Variants in FAM9A observed in about 807,000 individuals in gnomAD.
FAM9A encodes the protein protein FAM9A.
Under a neutral mutation model 25.0 loss-of-function variants are expected in FAM9A, and 49 were observed. The ratio of observed to expected loss-of-function variants is 1.96; its 90% CI spans 1.56 to 2.48. The LOEUF (loss-of-function observed/expected upper bound fraction) is 2.48, where lower values mean the gene tolerates loss of function less well. FAM9A is among the 30% of genes most tolerant of loss of function. The pLI is 0.00. For synonymous variants in FAM9A, 80 were observed against 85.1 expected, an observed-to-expected ratio of 0.94 and a Z score of 0.33; for missense variants, 266 against 249.3, an observed-to-expected ratio of 1.07 and a Z score of -0.45.
chrX:8,796,320 T>C lies in FAM9A; in HGVS notation c.436A>G (p.Arg146Gly), dbSNP rs143523323. 89 of 1,205,059 alleles carry C rather than the reference T, an allele frequency of 7.4e-5. No individual in the cohort carries two copies. In the African/African-American group the frequency reaches 1.3e-3, roughly 18 times the overall value. ...EMIKIDKAAY[R>G]KTKNTIERAL... The stretch of plus-strand genomic sequence containing the variant: ...CGTTCAATTGTGTTCTTGGTTTTCC[T>C]GTAAGCTGCTTTATCTATTTTTATC... Residue 146 changes from arginine to glycine, a missense_variant, in exon 6 of 10, where the codon AGG (arginine) becomes GGG (glycine). Arg to Gly is a moderately radical substitution (Grantham distance 125). Coordinates refer to ENST00000381003, the MANE Select transcript of FAM9A (RefSeq NM_174951.3).
chrX:8,799,373 C>T (rs1933573417), intron 2 of FAM9A, among the ~76,000 whole-genome samples: 1 of 110,472 alleles, frequency 9.1e-6, no homozygotes, highest in Admixed American at 9.5e-5. Context: ...AGCCCTGCCC[C>T]TGTGTGCCCC....
intron 7 of FAM9A, 33 bp from the exon 8 acceptor site, chrX:8,793,789 G>T (rs1269615225): frequency 9.8e-7 from 1 of 1,016,935 alleles, no homozygotes; most frequent in Non-Finnish European, 1.4e-6. Context: ...ATGAAAATTG[G>T]GTAATTTTTA....
rs1284419344 is a variant in FAM9A at position 8,800,205 on chromosome X, T to C, written c.-34A>G. 18 of 1,195,424 alleles carry C rather than the reference T, an allele frequency of 1.5e-5. No individual in the cohort carries two copies. Among genetic ancestry groups the C allele is most frequent in the Non-Finnish European group, 2.0e-5 (18 of 884,667 alleles). On this transcript the variant is annotated 5_prime_UTR_variant, in exon 2 of 10. Coordinates refer to ENST00000381003, the MANE Select transcript of FAM9A (RefSeq NM_174951.3). The stretch of plus-strand genomic sequence containing the variant: ...GTCCTGGGAAGTTAGAGGCGATCCC[T>C]GAACCTGGTTGAGTGCAAAGTCAAA...
In FAM9A at chrX:8,794,947, C is replaced by T. The variant is rs774127694; in HGVS notation, c.831+131G>A. On this transcript the variant is annotated intron_variant, in intron 7 of 9. Coordinates refer to ENST00000381003, the MANE Select transcript of FAM9A (RefSeq NM_174951.3). Reference sequence around the variant, plus strand: ...GCGTGGCAATTATATTCCCCTAGTACATGAGTCCACTTATGGGCCCCCCTC... The same window carrying T: ...GCGTGGCAATTATATTCCCCTAGTATATGAGTCCACTTATGGGCCCCCCTC... 28 of 978,885 alleles carry T rather than the reference C, an allele frequency of 2.9e-5. No homozygotes were observed. The South Asian group carries it at 6.5e-4, about 23-fold the overall frequency. 80.7% of individuals were successfully genotyped at this position (978,885 alleles called of 1,213,427 possible).
intron 8 of FAM9A, among the ~76,000 whole-genome samples, chrX:8,791,598 A>G (rs1933472022): frequency 9.0e-6 from 1 of 110,550 alleles, no homozygotes; most frequent in African/African-American, 3.2e-5. Flanking sequence ...AGCAGGTCCA[A>G]TTGTCATGTA....
At chrX:8,800,684 C>A (rs1342477760) in intron 1 of FAM9A, among the ~76,000 whole-genome samples, 1 of 97,797 alleles carries the variant, frequency 1.0e-5, no homozygotes, top group Non-Finnish European at 2.1e-5. Flanking sequence ...CCCCACAACA[C>A]CCCTGCTTGT....
At chrX:8,799,265 G>A (rs972954096) in intron 2 of FAM9A, among the ~76,000 whole-genome samples, 171 bp from the exon 3 acceptor site, 4 of 111,388 alleles carry the variant, frequency 3.6e-5, no homozygotes, top group Non-Finnish European at 7.6e-5. Flanking sequence ...TTCCTGGCCC[G>A]TCCAGCCCCT....
intron 8 of FAM9A, 111 bp from the exon 9 acceptor site, chrX:8,791,490 G>A: frequency 1.8e-6 from 1 of 544,359 alleles, no homozygotes; most frequent in East Asian, 3.9e-5. Context: ...AAGGATGCTG[G>A]TTATTTATTT....
rs374129266 is a variant in FAM9A at position 8,797,160 on chromosome X, A to G, written c.374-778T>C. Among the ~76,000 whole-genome samples, 4 of 112,366 alleles carry G rather than the reference A, an allele frequency of 3.6e-5. No individual in the cohort carries two copies. In the East Asian group the frequency reaches 8.4e-4, roughly 23 times the overall value. On this transcript the variant is annotated intron_variant, in intron 5 of 9. Transcript: ENST00000381003. ...CTCCATCTATAATGCTCAGTTAGGT[A>G]GCTCACAAAACCAGCACTTACTCAC...
intron 6 of FAM9A, among the ~76,000 whole-genome samples, 200 bp from the exon 7 acceptor site, chrX:8,795,620 G>C (rs1933524788): frequency 8.9e-6 from 1 of 111,820 alleles, no homozygotes. Flanking sequence ...TACTAGAGCA[G>C]CTATCTTACA....
chrX:8,794,987 C>G, intron 7 of FAM9A, 91 bp downstream of exon 7: 2 of 1,118,051 alleles, frequency 1.8e-6, no homozygotes, highest in South Asian at 4.7e-5. Flanking sequence ...GGCTCATGCT[C>G]TCTTCCTTCT....
intron 8 of FAM9A, among the ~76,000 whole-genome samples, chrX:8,793,140 G>C (rs774940313): frequency 1.6e-3 from 184 of 112,311 alleles, no homozygotes; most frequent in Non-Finnish European, 2.6e-3. Context: ...TAAAACTCTT[G>C]AAACAACACA....
chrX:8,793,656 AC>A lies in FAM9A; in HGVS notation c.930+1del. On this transcript the variant is annotated splice_donor_variant, in intron 8 of 9. Coordinates refer to ENST00000381003, the MANE Select transcript of FAM9A (RefSeq NM_174951.3). LOFTEE classifies it high-confidence loss of function. Reference sequence around the variant, plus strand: ...TGTATTATGTTACCAAATAGAACAGACCTTTAGTAATTGCTCAAGTAGCGGC... The same window carrying A: ...TGTATTATGTTACCAAATAGAACAGACTTTAGTAATTGCTCAAGTAGCGGC... 1 of 1,199,702 alleles carries A rather than the reference AC, an allele frequency of 8.3e-7. No individual in the cohort carries two copies. The highest frequency in any genetic ancestry group is 1.1e-6 in the Non-Finnish European group (1 of 884,780).
intron 1 of FAM9A, 104 bp from the exon 2 acceptor site, chrX:8,800,313 C>G (rs1328997726): frequency 2.2e-6 from 2 of 907,618 alleles, no homozygotes; most frequent in South Asian, 4.9e-5. Flanking sequence ...TGGCCCACCC[C>G]GTGTATCCTG....
rs373401877 is a variant in FAM9A, at chrX:8,795,281, C to G, written c.628G>C (p.Ala210Pro). 17 of 1,192,945 alleles carry G rather than the reference C, an allele frequency of 1.4e-5. No homozygotes were observed. The African/African-American group carries it at 2.9e-4, about 20-fold the overall frequency. Residue 210 changes from alanine to proline, a missense_variant, in exon 7 of 10, where the codon GCA becomes CCA. Physicochemically the swap from Ala to Pro is conservative, Grantham distance 27. Coordinates refer to ENST00000381003, the MANE Select transcript of FAM9A (RefSeq NM_174951.3). Reference sequence around the variant, plus strand: ...ACTATTACTTCTGCTGCTGCTGCTGCGGCTTCTGCTGCTGCTGCGGCTTCT... The same window carrying G: ...ACTATTACTTCTGCTGCTGCTGCTGGGGCTTCTGCTGCTGCTGCGGCTTCT... ...AAEAAAAAEA[A>P]AAAAEVIVVE...
intron 5 of FAM9A, among the ~76,000 whole-genome samples, chrX:8,796,902 G>GATATAAAATTTTA (rs1933540576): frequency 8.9e-6 from 1 of 111,988 alleles, no homozygotes; most frequent in Non-Finnish European, 1.9e-5. Context: ...TCGTCCATGG[G>GATATAAAATTTTA]TATAAAAATT....
At position 8,795,151 on chromosome X, in the gene FAM9A, CCTCCTTCTT is replaced by C. The variant is rs753013949; in HGVS notation, c.749_757del (p.Glu250_Gly252del). The C allele has an allele frequency of 1.8e-4, 189 of 1,069,223 alleles. 1 individual carries two copies. The highest frequency in any genetic ancestry group is 4.1e-4 in the East Asian group (13 of 31,766). 88.1% of individuals were successfully genotyped at this position (1,069,223 alleles called of 1,213,427 possible). A position where few individuals can be genotyped will look rare whatever the true frequency, so the allele number is the denominator to read the frequency against. On this transcript the variant is annotated inframe_deletion, in exon 7 of 10. Transcript: ENST00000381003. ...TGTTTCTTCTCCTTCTCCTCCTCCT[CCTCCTTCTT>C]CTCCTTCTTCTCCTCCTCCTTCTTC... is the stretch of plus-strand genomic sequence containing the variant.
At chrX:8,792,827 C>T (rs1488321668) in intron 8 of FAM9A, among the ~76,000 whole-genome samples, 1 of 112,238 alleles carries the variant, frequency 8.9e-6, no homozygotes, top group East Asian at 2.8e-4. Context: ...TACCTTACCT[C>T]CCAGAAGGGA....
chrX:8,791,360 T>C lies in FAM9A; in HGVS notation c.950A>G (p.Asp317Gly), dbSNP rs772161061. Residue 317 changes from aspartate (D) to glycine (G), a missense_variant, in exon 9 of 10, where the codon GAC becomes GGC. By Grantham distance (94) the Asp-to-Gly change is moderately conservative (BLOSUM62 -1). Coordinates refer to ENST00000381003, the MANE Select transcript of FAM9A (RefSeq NM_174951.3). Reference sequence around the variant, plus strand: ...ACTGGAAGAAATGATGCAATAATTGTCTTTAGTGTCCTTGGCAGCCTAAAA... The same window carrying C: ...ACTGGAAGAAATGATGCAATAATTGCCTTTAGTGTCCTTGGCAGCCTAAAA... ...QLLKAAKDTK[D>G]NYCIISSSEE... 8.3e-7 allele frequency: 1 copy of C among 1,204,943 alleles called. No homozygotes were observed. The highest frequency in any genetic ancestry group is 1.1e-6 in the Non-Finnish European group (1 of 892,467).
Sources: gnomAD v4.1 joint callset for allele counts (sites outside exome capture counted in the v4.1 genomes callset) on GRCh38, gnomAD v4.1.1 for gene constraint, MANE v1.5 for transcripts, NCBI Gene and HGNC (gene_info 2026-07-23, HGNC 2026-07-21) for gene names.